The following PDE10A variants were observed in gnomAD, a reference collection of about 807,000 sequenced individuals.
PDE10A encodes the protein phosphodiesterase 10A, also known as cAMP and cAMP-inhibited cGMP 3',5'-cyclic phosphodiesterase 10A.
In PDE10A, 39 loss-of-function variants were observed where a neutral mutation model predicts 97.7. The observed-to-expected ratio is 0.40, with a 90% CI of 0.31 to 0.52. The LOEUF (loss-of-function observed/expected upper bound fraction) is 0.52, where lower values mean the gene tolerates loss of function less well. PDE10A is among the 20% of genes least tolerant of loss of function. The pLI, the probability that PDE10A is intolerant of heterozygous loss-of-function variation, is 0.56. For missense variants in PDE10A, 731 were observed against 1,047.8 expected (o/e 0.70, Z 4.17); for synonymous variants, 371 against 376.8 (o/e 0.98, Z 0.18).
At position 165,767,817 on chromosome 6, in the gene PDE10A, C is replaced by G. The variant is rs144467876; in HGVS notation, c.-615+219712G>C. 4.2e-3 allele frequency among the ~76,000 whole-genome samples: 642 copies of G among 152,338 alleles called. 7 individuals carry two copies. Among genetic ancestry groups the G allele is most frequent in the African/African-American group, 0.015 (615 of 41,578 alleles). On this transcript the variant is annotated intron_variant, in intron 1 of 19. Transcript: ENST00000366882. ...TAGTGGAATTGCTGGGTCATTCACTCTCTCTATGTTTGATTTTTTGAGGAA... is the reference window on the plus strand; with the variant it reads ...TAGTGGAATTGCTGGGTCATTCACTGTCTCTATGTTTGATTTTTTGAGGAA...
At chr6:165,829,708 G>A (rs966672083) in intron 1 of PDE10A, among the ~76,000 whole-genome samples, 77 of 152,296 alleles carry the variant, frequency 5.1e-4, no homozygotes, top group Admixed American at 1.0e-3. Context: ...TCAAGTTTCC[G>A]AACTCTTACT....
chr6:165,349,192 A>AG (rs1782523905), intron 18 of PDE10A, among the ~76,000 whole-genome samples: 1 of 152,160 alleles, frequency 6.6e-6, no homozygotes. Flanking sequence ...AATTTCCTAG[A>AG]GACTTGGACA....
intron 17 of PDE10A, among the ~76,000 whole-genome samples, chr6:165,384,359 G>A (rs576849998): frequency 6.6e-6 from 1 of 152,208 alleles, no homozygotes; most frequent in East Asian, 1.9e-4. Context: ...TCTACACAGC[G>A]ACGGGCCCCA....
intron 1 of PDE10A, among the ~76,000 whole-genome samples, chr6:165,871,644 C>A (rs1470191565): frequency 6.6e-6 from 1 of 152,152 alleles, no homozygotes; most frequent in Non-Finnish European, 1.5e-5. Flanking sequence ...TGGCGAAAGT[C>A]AAGTTTATGG....
chr6:165,758,510 A>AAAGAAGAAAGAAG (rs757427463), intron 1 of PDE10A, among the ~76,000 whole-genome samples: 3 of 41,488 alleles, frequency 7.2e-5, no homozygotes, highest in Non-Finnish European at 2.4e-4. Context: ...AAGAAAGAAG[A>AAAGAAGAAAGAAG]AAGAAGAAGA....
intron 1 of PDE10A, among the ~76,000 whole-genome samples, chr6:165,647,802 C>A (rs1278643669): frequency 6.6e-6 from 1 of 152,116 alleles, no homozygotes; most frequent in Non-Finnish European, 1.5e-5. Context: ...TCTCAGAACC[C>A]AAGGAAACAA....
chr6:165,519,601 T>TTTGCC (rs890128205), intron 2 of PDE10A, among the ~76,000 whole-genome samples: 2 of 152,256 alleles, frequency 1.3e-5, no homozygotes, highest in Admixed American at 6.5e-5. Flanking sequence ...CGTTTAACTA[T>TTTGCC]TTGCCTTGCC....
intron 1 of PDE10A, among the ~76,000 whole-genome samples, chr6:165,713,086 G>C (rs1791941700): frequency 6.6e-6 from 1 of 152,226 alleles, no homozygotes; most frequent in African/African-American, 2.4e-5. Flanking sequence ...CAAAGAGAGA[G>C]TGCCGCACAC....
At chr6:165,391,225 T>C (rs1474337342) in intron 16 of PDE10A, among the ~76,000 whole-genome samples, 1 of 152,234 alleles carries the variant, frequency 6.6e-6, no homozygotes, top group East Asian at 1.9e-4. Flanking sequence ...TTATAAAATA[T>C]GTTTTAAATA....
intron 1 of PDE10A, among the ~76,000 whole-genome samples, chr6:165,834,033 T>C (rs912112937): frequency 3.9e-5 from 6 of 152,206 alleles, no homozygotes; most frequent in Non-Finnish European, 8.8e-5. Flanking sequence ...CTGGAGTGAC[T>C]GAATAGATAA....
intron 1 of PDE10A, among the ~76,000 whole-genome samples, chr6:165,839,959 A>G (rs80275900): frequency 0.027 from 843 of 31,190 alleles, 1 homozygote; most frequent in East Asian, 0.039. Context: ...ATCCCCATCT[A>G]CATCTCTGTC....
At chr6:165,422,447 G>A (rs1199906696) in intron 10 of PDE10A, among the ~76,000 whole-genome samples, 1 of 125,228 alleles carries the variant, frequency 8.0e-6, no homozygotes, top group Non-Finnish European at 1.7e-5. Context: ...ACACACATAC[G>A]CATATACACA....
At chr6:165,545,201 T>C (rs372991276) in intron 1 of PDE10A, 2 of 504,590 alleles carry the variant, frequency 4.0e-6, no homozygotes, top group African/African-American at 3.9e-5. Context: ...ACTTTCTAAC[T>C]GCTCTTGAAT....
chr6:165,608,230 T>C (rs1415764802), intron 1 of PDE10A, among the ~76,000 whole-genome samples: 1 of 150,402 alleles, frequency 6.6e-6, no homozygotes, highest in African/African-American at 2.4e-5. Context: ...TCATTTACAT[T>C]AGGTATATCT....
At chr6:165,336,732 G>A (rs1257924202) in intron 20 of PDE10A, among the ~76,000 whole-genome samples, 1 of 148,060 alleles carries the variant, frequency 6.8e-6, no homozygotes, top group East Asian at 2.0e-4. Flanking sequence ...GTCCGGCCTG[G>A]GCGACAGAGC....
intron 5 of PDE10A, among the ~76,000 whole-genome samples, chr6:165,448,344 G>C (rs1005247603): frequency 6.6e-6 from 1 of 152,016 alleles, no homozygotes; most frequent in African/African-American, 2.4e-5. Flanking sequence ...TGCATTTTCC[G>C]GCGGGCTGTG....
chr6:165,838,277 A>C (rs2128472388), intron 1 of PDE10A, among the ~76,000 whole-genome samples: 1 of 152,362 alleles, frequency 6.6e-6, no homozygotes, highest in Non-Finnish European at 1.5e-5. Context: ...CTTTTGGCCA[A>C]AACAAAGTGA....
At chr6:165,544,272 G>C (rs548616874) in intron 1 of PDE10A, among the ~76,000 whole-genome samples, 5 of 152,114 alleles carry the variant, frequency 3.3e-5, no homozygotes, top group Non-Finnish European at 7.4e-5. Context: ...GAATAATCTT[G>C]ACATTTATTC....
Position 165,734,988 on chromosome 6 carries a change from AGATAGTAG to A in PDE10A, c.-614-191428_-614-191421del, listed in dbSNP as rs965222149. Among the ~76,000 whole-genome samples the A allele has an allele frequency of 1.6e-4, 23 of 146,586 alleles. No individual in the cohort carries two copies. The South Asian group carries it at 1.9e-3, about 12-fold the overall frequency. Reference sequence around the variant, plus strand: ...TAGATAGATAGATAGATAGATAGATAGATAGTAGGTAGGTAGGTAGGTAGATAGGTAGG... The same window carrying A: ...TAGATAGATAGATAGATAGATAGATAGTAGGTAGGTAGGTAGATAGGTAGG... On this transcript the variant is annotated intron_variant, in intron 1 of 19. Coordinates refer to the PDE10A transcript ENST00000366882.
Sources: allele counts gnomAD v4.1 joint callset (sites outside exome capture counted in the v4.1 genomes callset), GRCh38; gene constraint gnomAD v4.1.1; transcripts MANE v1.5; gene names NCBI Gene and HGNC (gene_info 2026-07-23, HGNC 2026-07-21).